FRMPD1: variants seen among roughly 807,000 people sequenced by gnomAD.
The protein encoded by FRMPD1 is FERM and PDZ domain containing 1, also known as FERM and PDZ domain-containing protein 1.
Under a neutral mutation model 117.8 loss-of-function variants are expected in FRMPD1, and 76 were observed. The ratio of observed to expected loss-of-function variants is 0.65; its 90% CI spans 0.54 to 0.78. FRMPD1 has a LOEUF of 0.78. Among genes scored for constraint, FRMPD1 ranks in the 30% least tolerant of loss-of-function variants. The pLI is 0.00. For synonymous variants in FRMPD1, 783 were observed against 770.4 expected, an observed-to-expected ratio of 1.02 and a Z score of -0.27; for missense variants, 1,786 against 1,964.5, an observed-to-expected ratio of 0.91 and a Z score of 1.72.
the FRMPD1 span, among the ~76,000 whole-genome samples, chr9:37,621,322 C>T: frequency 2.0e-5 from 3 of 152,242 alleles, no homozygotes; most frequent in Admixed American, 6.5e-5. Flanking sequence ...ATGGGACAGA[C>T]CACCCAGAGG....
chr9:37,718,289 T>C (rs1049464464), intron 5 of FRMPD1, among the ~76,000 whole-genome samples: 1 of 152,210 alleles, frequency 6.6e-6, no homozygotes, highest in East Asian at 1.9e-4. Context: ...CTTGGTACTT[T>C]TACACATGGA....
At chr9:37,665,928 G>C (rs1311200667) in intron 1 of FRMPD1, among the ~76,000 whole-genome samples, 1 of 152,162 alleles carries the variant, frequency 6.6e-6, no homozygotes. Context: ...ACCTTATCCT[G>C]TGGACGTAAC....
Position 37,733,778 on chromosome 9 carries a change from G to C in FRMPD1, c.1171G>C (p.Gly391Arg), listed in dbSNP as rs138526022. ...QLRLNYLQIL[G>R]ELKTYGGRIF... The stretch of plus-strand genomic sequence containing the variant: ...ACGTTTAAATTATCTACAGATCCTC[G>C]GAGAACTCAAGACATATGGTGGAAG... The change falls in exon 12 of 16, where the codon GGA (glycine) becomes CGA (arginine). Residue 391 changes from glycine (G) to arginine (R), a missense_variant. By Grantham distance (125) the Gly-to-Arg change is moderately radical (BLOSUM62 -2). Coordinates refer to ENST00000377765, the MANE Select transcript of FRMPD1 (RefSeq NM_014907.3). 18 of 1,606,952 alleles carry C rather than the reference G, an allele frequency of 1.1e-5. No homozygotes were observed. Among genetic ancestry groups the C allele is most frequent in the Non-Finnish European group, 1.5e-5 (18 of 1,173,794 alleles).
chr9:37,658,108 A>C (rs1221854162), intron 1 of FRMPD1, among the ~76,000 whole-genome samples: 1 of 151,840 alleles, frequency 6.6e-6, no homozygotes, highest in Non-Finnish European at 1.5e-5. Flanking sequence ...CCACATCTTC[A>C]CTTCTTTAGG....
the FRMPD1 span, among the ~76,000 whole-genome samples, chr9:37,605,470 T>G: frequency 2.6e-5 from 4 of 152,088 alleles, no homozygotes; most frequent in Admixed American, 2.6e-4. Flanking sequence ...TAGCACATAC[T>G]GAGAACCCAC....
the FRMPD1 span, among the ~76,000 whole-genome samples, chr9:37,638,230 C>T: frequency 1.3e-5 from 2 of 151,742 alleles, no homozygotes; most frequent in Non-Finnish European, 2.9e-5. Flanking sequence ...TGGGCCACCA[C>T]GCCTGGATAA....
the FRMPD1 span, among the ~76,000 whole-genome samples, chr9:37,616,897 T>A: frequency 6.6e-6 from 1 of 152,186 alleles, no homozygotes; most frequent in Non-Finnish European, 1.5e-5. Flanking sequence ...CTGGGGTATA[T>A]TACCACCAAG....
intron 13 of FRMPD1, among the ~76,000 whole-genome samples, chr9:37,735,939 C>T (rs781721686): frequency 4.0e-5 from 6 of 151,796 alleles, no homozygotes; most frequent in Admixed American, 2.0e-4. Context: ...TTTTTTTGCA[C>T]AAACTGAGAT....
At chr9:37,714,446 G>A (rs1040964520) in intron 5 of FRMPD1, among the ~76,000 whole-genome samples, 1 of 152,174 alleles carries the variant, frequency 6.6e-6, no homozygotes, top group Admixed American at 6.5e-5. Context: ...CAGGAAGAGA[G>A]GAACGTGCTC....
chr9:37,627,102 T>C, the FRMPD1 span, among the ~76,000 whole-genome samples: 1 of 151,822 alleles, frequency 6.6e-6, no homozygotes, highest in Non-Finnish European at 1.5e-5. Context: ...TTCTTTCAGC[T>C]CCCATGGTCC....
chr9:37,637,203 C>A, the FRMPD1 span: 1 of 1,610,642 alleles, frequency 6.2e-7, no homozygotes, highest in African/African-American at 1.3e-5. Context: ...GTGTAAGGGT[C>A]ATCAGCAAAC....
intron 1 of FRMPD1, among the ~76,000 whole-genome samples, chr9:37,690,636 T>C (rs975796338): frequency 1.3e-5 from 2 of 152,232 alleles, no homozygotes; most frequent in African/African-American, 4.8e-5. Flanking sequence ...AATGTCAATA[T>C]CTGAAGGTCT....
At chr9:37,723,966 T>G (rs1434475315) in intron 6 of FRMPD1, among the ~76,000 whole-genome samples, 1 of 151,564 alleles carries the variant, frequency 6.6e-6, no homozygotes, top group Non-Finnish European at 1.5e-5. Context: ...ACCACTGCAC[T>G]CCAGCCTGGG....
intron 7 of FRMPD1, among the ~76,000 whole-genome samples, chr9:37,728,499 C>T (rs777409988): frequency 5.5e-4 from 83 of 152,278 alleles, no homozygotes; most frequent in Middle Eastern, 3.4e-3. Context: ...GCGAATGCTT[C>T]GAGGCAGCAA....
upstream of FRMPD1, among the ~76,000 whole-genome samples, chr9:37,649,376 T>C (rs549165458): frequency 2.1e-4 from 32 of 152,336 alleles, no homozygotes; most frequent in Admixed American, 1.8e-3. Flanking sequence ...TCCACCCTTA[T>C]GGTGCTTCTG....
chr9:37,745,180 G>A lies in FRMPD1; in HGVS notation c.3148G>A (p.Val1050Ile), dbSNP rs756025164. Reference protein sequence around the residue: ...DTLELQLEPHVQLEMGLESFC... With the variant: ...DTLELQLEPHIQLEMGLESFC... ...ACTAGAGCTCCAGTTGGAGCCCCATGTCCAGTTGGAAATGGGATTGGAATC... is the reference window on the plus strand; with the variant it reads ...ACTAGAGCTCCAGTTGGAGCCCCATATCCAGTTGGAAATGGGATTGGAATC... Residue 1050 changes from valine (V) to isoleucine (I), a missense_variant, in exon 16 of 16, where the codon GTC becomes ATC. Physicochemically the swap from Val to Ile is conservative, Grantham distance 29. Coordinates refer to ENST00000377765, the MANE Select transcript of FRMPD1 (RefSeq NM_014907.3). The A allele has an allele frequency of 1.2e-6, 2 of 1,613,786 alleles. No homozygotes were observed. The highest frequency in any genetic ancestry group is 1.7e-5 in the Admixed American group (1 of 60,024).
intron 1 of FRMPD1, among the ~76,000 whole-genome samples, chr9:37,666,219 G>A (rs1002297668): frequency 6.6e-6 from 1 of 152,124 alleles, no homozygotes; most frequent in Non-Finnish European, 1.5e-5. Flanking sequence ...CTTCTTCACA[G>A]TTGTTCTGCG....
intron 1 of FRMPD1, among the ~76,000 whole-genome samples, chr9:37,672,552 G>A (rs1279905698): frequency 6.6e-6 from 1 of 152,182 alleles, no homozygotes; most frequent in Non-Finnish European, 1.5e-5. Context: ...AGGTACTGTT[G>A]TTACTGGCAT....
At chr9:37,614,231 G>A in the FRMPD1 span, among the ~76,000 whole-genome samples, 1 of 152,188 alleles carries the variant, frequency 6.6e-6, no homozygotes, top group African/African-American at 2.4e-5. Flanking sequence ...TAGGCATGTG[G>A]GACTGAGGGG....
Sources: allele counts gnomAD v4.1 joint callset (sites outside exome capture counted in the v4.1 genomes callset), GRCh38; gene constraint gnomAD v4.1.1; transcripts MANE v1.5; gene names NCBI Gene and HGNC (gene_info 2026-07-23, HGNC 2026-07-21).